IDUA: variants seen among roughly 807,000 people sequenced by gnomAD.
IDUA encodes the protein alpha-L-iduronidase, also known as iduronidase alpha-L-.
A neutral mutation model predicts 68.9 loss-of-function variants in IDUA; 65 were observed. The observed-to-expected ratio is 0.94, with a 90% CI of 0.77 to 1.16. The LOEUF is 1.16. Among genes scored for constraint, IDUA ranks in the 50% most tolerant of loss-of-function variants. The pLI is 0.00. For missense variants in IDUA, 1,046 were observed against 938.0 expected (o/e 1.12, Z -1.50); for synonymous variants, 529 against 433.6 (o/e 1.22, Z -2.73).
chr4:997,475 T>G (rs1016870136), intron 2 of IDUA, among the ~76,000 whole-genome samples: 42 of 151,014 alleles, frequency 2.8e-4, no homozygotes, highest in Admixed American at 7.9e-4. Context: ...TCTTAGCGGC[T>G]CACGCGCTCG....
chr4:987,041 G>T, upstream of IDUA: 1 of 1,410,494 alleles, frequency 7.1e-7, no homozygotes, highest in South Asian at 1.2e-5. Context: ...AGGCGGAACC[G>T]GCAGTGCAGC....
At chr4:1,000,108 C>A in intron 2 of IDUA, 1 of 189,840 alleles carries the variant, frequency 5.3e-6, no homozygotes, top group Non-Finnish European at 1.1e-5. Flanking sequence ...TTGACGACGC[C>A]TGTCCCCTCG....
intron 2 of IDUA, chr4:990,412 G>C (rs1560536915): frequency 2.7e-6 from 4 of 1,504,022 alleles, no homozygotes; most frequent in Non-Finnish European, 3.6e-6. Flanking sequence ...GGAGCCACCT[G>C]CCCCTCACCA....
chr4:991,371 G>T lies in IDUA; in HGVS notation c.299+3422G>T, dbSNP rs141470857. On this transcript the variant is annotated intron_variant, in intron 2 of 13. Transcript: ENST00000514224. ...GCCGTGAGGTGCCCATGAGGAAGTA[G>T]ATGAGGTTGGCGAAGAAGGACGTAT... The T allele has an allele frequency of 2.5e-5, 41 of 1,612,866 alleles. No individual in the cohort carries two copies. The African/African-American group carries it at 4.7e-4, about 18-fold the overall frequency.
rs760303917 is a variant in IDUA, at chr4:987,963, A to G, written c.299+14A>G. On this transcript the variant is annotated intron_variant, in intron 2 of 13. Coordinates refer to ENST00000514224, the MANE Select transcript of IDUA (RefSeq NM_000203.5). ...TGTCACCACCAGGTGGGCGGCGGGCAGGGTCTGGGCGTCCCAGAGCCCCTT... is the reference window on the plus strand; with the variant it reads ...TGTCACCACCAGGTGGGCGGCGGGCGGGGTCTGGGCGTCCCAGAGCCCCTT... 1 of 1,559,222 alleles carries G rather than the reference A, an allele frequency of 6.4e-7. No homozygotes were observed. Among genetic ancestry groups the G allele is most frequent in the Non-Finnish European group, 8.7e-7 (1 of 1,151,660 alleles).
intron 2 of IDUA, among the ~76,000 whole-genome samples, chr4:996,869 G>A (rs999384601): frequency 1.3e-5 from 2 of 152,120 alleles, no homozygotes; most frequent in Non-Finnish European, 2.9e-5. Context: ...CTGTGCACGC[G>A]CAGGGCTGCC....
At chr4:989,714 C>T (rs747534272) in intron 2 of IDUA, 16 of 1,558,694 alleles carry the variant, frequency 1.0e-5, no homozygotes, top group Admixed American at 1.9e-5. Context: ...GTCCGGCAGC[C>T]AGTGGCTGTC....
intron 2 of IDUA, chr4:992,371 C>G (rs372820907): frequency 2.8e-6 from 1 of 363,614 alleles, no homozygotes. Context: ...TGGCGGAAGT[C>G]TCAGGAAGAG....
intron 2 of IDUA, chr4:991,109 C>A: frequency 6.6e-7 from 1 of 1,521,300 alleles, no homozygotes; most frequent in Non-Finnish European, 8.8e-7. Context: ...CCTCCCTGTG[C>A]CCAAGCAGGG....
intron 2 of IDUA, chr4:991,324 C>T (rs1289524283): frequency 1.9e-6 from 3 of 1,612,848 alleles, no homozygotes; most frequent in Non-Finnish European, 1.7e-6. Flanking sequence ...GCAAAGCAGG[C>T]TGAAGATGCC....
At chr4:998,737 C>CT (rs1427246812) in intron 2 of IDUA, among the ~76,000 whole-genome samples, 1 of 152,150 alleles carries the variant, frequency 6.6e-6, no homozygotes, top group Non-Finnish European at 1.5e-5. Flanking sequence ...ATCCACCCGC[C>CT]TAGCTGCCCA....
At chr4:987,777 T>G (rs765973410) in intron 1 of IDUA, 32 bp from the exon 2 acceptor site, 1 of 1,611,192 alleles carries the variant, frequency 6.2e-7, no homozygotes, top group Non-Finnish European at 8.5e-7. Context: ...ATGCTGAGGC[T>G]CGGGACTGAG....
chr4:990,527 C>T (rs1560537005), intron 2 of IDUA: 5 of 680,170 alleles, frequency 7.4e-6, no homozygotes, highest in Non-Finnish European at 1.2e-5. Flanking sequence ...GGCCTGAGTT[C>T]TGGTTCCACG....
At chr4:994,323 C>T (rs895524017) in intron 2 of IDUA, among the ~76,000 whole-genome samples, 12 of 151,914 alleles carry the variant, frequency 7.9e-5, no homozygotes, top group African/African-American at 2.7e-4. Context: ...TCACCCAGGC[C>T]GGAATGCAGT....
intron 2 of IDUA, chr4:990,130 C>G (rs866427681): frequency 1.5e-5 from 23 of 1,574,540 alleles, no homozygotes; most frequent in Non-Finnish European, 1.7e-5. Context: ...CACCGCCAGG[C>G]ACACCGTGCT....
intron 2 of IDUA, chr4:989,937 C>T: frequency 1.9e-6 from 3 of 1,556,670 alleles, no homozygotes; most frequent in Non-Finnish European, 2.6e-6. Flanking sequence ...TCAGCCTGGG[C>T]TCTGGGACCT....
chr4:994,840 G>A (rs1714645564), intron 2 of IDUA, among the ~76,000 whole-genome samples: 1 of 152,074 alleles, frequency 6.6e-6, no homozygotes, highest in Non-Finnish European at 1.5e-5. Context: ...GTGGGAGCAT[G>A]GCTTGAGCCC....
Position 1,002,821 on chromosome 4 carries a change from C to G in IDUA, c.1279C>G (p.Pro427Ala), listed in dbSNP as rs1715184175. 6.9e-7 allele frequency: 1 copy of G among 1,456,892 alleles called. No individual in the cohort carries two copies. The highest frequency in any genetic ancestry group is 1.5e-5 in the African/African-American group (1 of 67,716). The allele number at this position is 1,456,892 out of a possible 1,614,324, so 90.2% of individuals were successfully genotyped here. A position where few individuals can be genotyped will look rare whatever the true frequency, so the allele number is the denominator to read the frequency against. Residue 427 changes from proline to alanine, a missense_variant, in exon 9 of 14, where the codon CCC (proline) becomes GCC (alanine). By Grantham distance (27) the Pro-to-Ala change is conservative. Coordinates refer to ENST00000514224, the MANE Select transcript of IDUA (RefSeq NM_000203.5). ...TVGVLASAHR[P>A]QGPADAWRAA... Reference sequence around the variant, plus strand: ...GGGCGTCCTGGCCAGCGCCCACCGCCCCCAGGGCCCGGCCGACGCCTGGCG... The same window carrying G: ...GGGCGTCCTGGCCAGCGCCCACCGCGCCCAGGGCCCGGCCGACGCCTGGCG...
chr4:989,414 G>C, intron 2 of IDUA: 1 of 1,558,876 alleles, frequency 6.4e-7, no homozygotes, highest in Non-Finnish European at 8.7e-7. Flanking sequence ...AGGGCGGTGC[G>C]TGGGCGTTGG....
Sources: allele counts gnomAD v4.1 joint callset (sites outside exome capture counted in the v4.1 genomes callset), GRCh38; gene constraint gnomAD v4.1.1; transcripts MANE v1.5; gene names NCBI Gene and HGNC (gene_info 2026-07-23, HGNC 2026-07-21).